The following SMYD3 variants were observed in gnomAD, a reference collection of about 807,000 sequenced individuals.
The protein encoded by SMYD3 is SET and MYND domain containing 3, also known as histone-lysine N-methyltransferase SMYD3.
A neutral mutation model predicts 57.7 loss-of-function variants in SMYD3; 36 were observed. The observed-to-expected ratio is 0.62, with a 90% CI of 0.48 to 0.82. SMYD3 has a LOEUF of 0.82. Among genes scored for constraint, SMYD3 ranks in the 40% least tolerant of loss-of-function variants. The pLI, the probability that SMYD3 is intolerant of heterozygous loss-of-function variation, is 0.00. For synonymous variants in SMYD3, 211 were observed against 195.0 expected (o/e 1.08, Z -0.68); for missense variants, 515 against 538.8 (o/e 0.96, Z 0.44).
At chr1:246,111,180 C>T (rs1187947958) in intron 5 of SMYD3, among the ~76,000 whole-genome samples, 1 of 152,054 alleles carries the variant, frequency 6.6e-6, no homozygotes, top group South Asian at 2.1e-4. Flanking sequence ...TTTCATCCCC[C>T]AAAGAAGGCA....
chr1:246,104,268 G>T (rs1471083029), intron 5 of SMYD3, among the ~76,000 whole-genome samples: 1 of 152,162 alleles, frequency 6.6e-6, no homozygotes, highest in Non-Finnish European at 1.5e-5. Flanking sequence ...GCAGAACTGG[G>T]TAAATGAGTT....
At position 246,118,857 on chromosome 1, in the gene SMYD3, G is replaced by T. The variant is rs578055423; in HGVS notation, c.532-188920C>A. Among the ~76,000 whole-genome samples the T allele has an allele frequency of 5.4e-5, 8 of 148,560 alleles. No individual in the cohort carries two copies. The South Asian group carries it at 1.7e-3, about 32-fold the overall frequency. Reference sequence around the variant, plus strand: ...CTTCTGCCTTTCTTTCTCAATGCAGGGGTAATGGCTGGAGCTCCAGCAGCC... The same window carrying T: ...CTTCTGCCTTTCTTTCTCAATGCAGTGGTAATGGCTGGAGCTCCAGCAGCC... On this transcript the variant is annotated intron_variant, in intron 5 of 11. Transcript: ENST00000490107.
At chr1:245,864,340 C>CA (rs757946415) in intron 8 of SMYD3, among the ~76,000 whole-genome samples, 1 of 152,124 alleles carries the variant, frequency 6.6e-6, no homozygotes. Flanking sequence ...TCATAATAGC[C>CA]AAAAAATGGA....
At chr1:246,394,099 T>G (rs1007197494) in intron 1 of SMYD3, among the ~76,000 whole-genome samples, 6 of 152,354 alleles carry the variant, frequency 3.9e-5, no homozygotes, top group African/African-American at 1.4e-4. Flanking sequence ...GTTATCCTTA[T>G]GTCCTTCAAG....
intron 2 of SMYD3, among the ~76,000 whole-genome samples, chr1:246,348,060 T>TATATATATA (rs1173574600): frequency 8.4e-5 from 7 of 83,004 alleles, no homozygotes; most frequent in Admixed American, 1.5e-4. Flanking sequence ...AAAGAAAACG[T>TATATATATA]TATATATATA....
chr1:246,248,539 C>T (rs535839809), intron 5 of SMYD3, among the ~76,000 whole-genome samples: 3 of 151,934 alleles, frequency 2.0e-5, no homozygotes, highest in African/African-American at 7.2e-5. Context: ...TCCTCTTGCT[C>T]ATGCTCTAAT....
intron 11 of SMYD3, among the ~76,000 whole-genome samples, chr1:245,758,720 G>T (rs2045712338): frequency 6.6e-6 from 1 of 151,910 alleles, no homozygotes; most frequent in Non-Finnish European, 1.5e-5. Context: ...TTATTTTGAG[G>T]GTGTTTGTAA....
At chr1:246,093,480 C>G (rs568827413) in intron 5 of SMYD3, among the ~76,000 whole-genome samples, 7 of 152,186 alleles carry the variant, frequency 4.6e-5, no homozygotes, top group Non-Finnish European at 5.9e-5. Context: ...CATGGATAAG[C>G]CTGGAGGACA....
chr1:246,289,945 C>T (rs1004974472), intron 5 of SMYD3, among the ~76,000 whole-genome samples: 4 of 152,114 alleles, frequency 2.6e-5, no homozygotes, highest in African/African-American at 4.8e-5. Flanking sequence ...ATATTTATCA[C>T]GAGTGTGTGG....
intron 5 of SMYD3, among the ~76,000 whole-genome samples, chr1:246,235,473 T>C (rs185220348): frequency 2.0e-4 from 30 of 152,304 alleles, no homozygotes; most frequent in Middle Eastern, 3.4e-3. Flanking sequence ...TACCTAACTA[T>C]AAAAATAAAC....
chr1:246,188,561 T>C (rs1013136628), intron 5 of SMYD3, among the ~76,000 whole-genome samples: 1 of 152,162 alleles, frequency 6.6e-6, no homozygotes, highest in African/African-American at 2.4e-5. Context: ...CTGAACAAGT[T>C]TGCTTTTTAA....
intron 10 of SMYD3, among the ~76,000 whole-genome samples, chr1:245,801,475 A>G (rs1427526823): frequency 1.3e-5 from 2 of 152,210 alleles, no homozygotes; most frequent in African/African-American, 2.4e-5. Context: ...CATGATTTAG[A>G]TGAAGATATT....
intron 5 of SMYD3, among the ~76,000 whole-genome samples, chr1:245,994,674 T>G (rs2058887184): frequency 1.3e-5 from 2 of 152,200 alleles, no homozygotes; most frequent in Admixed American, 1.3e-4. Flanking sequence ...AAAATGACTT[T>G]TTATGCCTTA....
At chr1:246,455,103 T>C (rs1428679879) in intron 1 of SMYD3, among the ~76,000 whole-genome samples, 1 of 152,176 alleles carries the variant, frequency 6.6e-6, no homozygotes, top group Non-Finnish European at 1.5e-5. Context: ...AGACCCAGCA[T>C]TTTTTGTTTG....
intron 1 of SMYD3, among the ~76,000 whole-genome samples, chr1:246,411,991 AAAC>A (rs1276691484): frequency 6.6e-5 from 10 of 151,822 alleles, no homozygotes; most frequent in African/African-American, 2.4e-4. Context: ...AAAAAAAAAA[AAAC>A]TTAAGGTACA....
At chr1:246,118,931 C>G (rs1387241597) in intron 5 of SMYD3, among the ~76,000 whole-genome samples, 1 of 151,706 alleles carries the variant, frequency 6.6e-6, no homozygotes, top group African/African-American at 2.4e-5. Context: ...TGCAGCACAA[C>G]CAAAAGAAAG....
chr1:245,772,345 C>G (rs2817496), intron 10 of SMYD3, among the ~76,000 whole-genome samples: 8,216 of 152,206 alleles, frequency 0.054, 740 homozygotes, highest in African/African-American at 0.19. Flanking sequence ...CAAATAGGTC[C>G]TTCACTCAAA....
chr1:246,035,825 T>C (rs2059764267), intron 5 of SMYD3, among the ~76,000 whole-genome samples: 3 of 152,236 alleles, frequency 2.0e-5, no homozygotes, highest in African/African-American at 7.2e-5. Flanking sequence ...TGTCTTTTAT[T>C]TTGATCCTCT....
intron 10 of SMYD3, among the ~76,000 whole-genome samples, chr1:245,837,032 C>T (rs906809572): frequency 6.6e-6 from 1 of 152,084 alleles, no homozygotes; most frequent in Non-Finnish European, 1.5e-5. Context: ...GACACGGCAT[C>T]GTCACTGACC....
Sources: gnomAD v4.1 joint callset for allele counts (sites outside exome capture counted in the v4.1 genomes callset) on GRCh38, gnomAD v4.1.1 for gene constraint, MANE v1.5 for transcripts, NCBI Gene and HGNC (gene_info 2026-07-23, HGNC 2026-07-21) for gene names.